Variants in LRP1B observed in about 807,000 individuals in gnomAD.
LRP1B encodes low-density lipoprotein receptor-related protein 1B.
Under a neutral mutation model 556.6 loss-of-function variants are expected in LRP1B, and 217 were observed. The observed-to-expected ratio is 0.39, with a 90% CI of 0.35 to 0.44. The LOEUF is 0.44. Among genes scored for constraint, LRP1B ranks in the 20% least tolerant of loss-of-function variants. LRP1B has a pLI of 1.00. For missense variants in LRP1B, 5,053 were observed against 5,620.8 expected (o/e 0.90, Z 3.23); for synonymous variants, 2,047 against 1,865.8 (o/e 1.10, Z -2.50).
At chr2:141,804,594 C>T (rs1372339412) in intron 2 of LRP1B, among the ~76,000 whole-genome samples, 4 of 151,990 alleles carry the variant, frequency 2.6e-5, no homozygotes, top group African/African-American at 9.7e-5. Flanking sequence ...ACAGAACTGA[C>T]TTTCAGTTAG....
At chr2:141,603,379 C>G (rs1466497761) in intron 2 of LRP1B, among the ~76,000 whole-genome samples, 1 of 152,080 alleles carries the variant, frequency 6.6e-6, no homozygotes, top group Non-Finnish European at 1.5e-5. Context: ...GTTACTAATC[C>G]TTCAGTGAAT....
intron 3 of LRP1B, among the ~76,000 whole-genome samples, chr2:141,417,044 A>G (rs189962380): frequency 2.0e-5 from 3 of 152,284 alleles, no homozygotes; most frequent in Admixed American, 2.0e-4. Context: ...ATATAAGTTC[A>G]CCTATTTTTT....
intron 1 of LRP1B, among the ~76,000 whole-genome samples, chr2:141,904,510 T>G (rs965536756): frequency 2.6e-5 from 4 of 151,890 alleles, no homozygotes; most frequent in Admixed American, 6.6e-5. Flanking sequence ...TTTCTGGAAC[T>G]GTTAGGTTTG....
At chr2:141,283,404 A>G (rs1163007080) in intron 3 of LRP1B, among the ~76,000 whole-genome samples, 1 of 152,074 alleles carries the variant, frequency 6.6e-6, no homozygotes. Flanking sequence ...GATGACAAGA[A>G]CATCGATTTT....
intron 11 of LRP1B, among the ~76,000 whole-genome samples, chr2:141,020,998 A>T (rs1482138256): frequency 6.6e-6 from 1 of 151,992 alleles, no homozygotes; most frequent in Non-Finnish European, 1.5e-5. Context: ...ACAACATTAC[A>T]ACTACGATTC....
intron 3 of LRP1B, among the ~76,000 whole-genome samples, chr2:141,336,857 C>T (rs1483202484): frequency 1.3e-5 from 2 of 152,118 alleles, no homozygotes; most frequent in African/African-American, 2.4e-5. Flanking sequence ...TTCAGGAGCA[C>T]CACGTTATGT....
chr2:141,581,826 C>T (rs1686966159), intron 2 of LRP1B, among the ~76,000 whole-genome samples: 1 of 152,130 alleles, frequency 6.6e-6, no homozygotes, highest in Admixed American at 6.5e-5. Context: ...GGGCAACTGG[C>T]TTTATAACTA....
At chr2:140,936,442 T>C (rs1695214397) in intron 20 of LRP1B, among the ~76,000 whole-genome samples, 1 of 151,748 alleles carries the variant, frequency 6.6e-6, no homozygotes, top group South Asian at 2.1e-4. Context: ...AAAACTGCCC[T>C]TCAAAATTGA....
At chr2:140,740,474 G>A (rs529286491) in intron 35 of LRP1B, among the ~76,000 whole-genome samples, 69 of 152,234 alleles carry the variant, frequency 4.5e-4, no homozygotes, top group Non-Finnish European at 8.8e-4. Context: ...ATGCAAAGGC[G>A]TAAGAATGAT....
chr2:141,015,337 A>G (rs1017319026), intron 13 of LRP1B, among the ~76,000 whole-genome samples: 17 of 152,124 alleles, frequency 1.1e-4, no homozygotes, highest in African/African-American at 3.9e-4. Flanking sequence ...CTCGTAATAC[A>G]TAATGTTAAA....
intron 2 of LRP1B, among the ~76,000 whole-genome samples, chr2:141,489,938 A>C (rs1683268105): frequency 6.6e-6 from 1 of 152,146 alleles, no homozygotes; most frequent in African/African-American, 2.4e-5. Flanking sequence ...TTTATCTGTA[A>C]AATAGGTTCC....
intron 1 of LRP1B, among the ~76,000 whole-genome samples, chr2:141,916,467 C>T (rs1175113055): frequency 6.6e-6 from 1 of 151,900 alleles, no homozygotes. Flanking sequence ...TGGGTTCACG[C>T]CATCCTCCTG....
intron 3 of LRP1B, among the ~76,000 whole-genome samples, chr2:141,277,647 T>A (rs2105380727): frequency 6.6e-6 from 1 of 151,664 alleles, no homozygotes; most frequent in South Asian, 2.1e-4. Flanking sequence ...ATATTTTTTG[T>A]TGTTGTTGTT....
At chr2:142,109,444 C>G (rs770814282) in intron 1 of LRP1B, among the ~76,000 whole-genome samples, 2 of 151,990 alleles carry the variant, frequency 1.3e-5, no homozygotes, top group Non-Finnish European at 2.9e-5. Context: ...TTCTTTTTCT[C>G]CTATTTTTAC....
At chr2:140,738,647 GA>G (rs1387212649) in intron 35 of LRP1B, among the ~76,000 whole-genome samples, 1 of 152,074 alleles carries the variant, frequency 6.6e-6, no homozygotes, top group Non-Finnish European at 1.5e-5. Context: ...AAATTTCTTA[GA>G]ATTACTCTGC....
At chr2:141,478,975 T>A (rs1682815987) in intron 3 of LRP1B, among the ~76,000 whole-genome samples, 1 of 152,190 alleles carries the variant, frequency 6.6e-6, no homozygotes. Context: ...AATCTGCTGA[T>A]TTTTTATGTA....
intron 1 of LRP1B, among the ~76,000 whole-genome samples, chr2:142,022,687 T>C (rs1483137896): frequency 6.6e-6 from 1 of 152,156 alleles, no homozygotes; most frequent in Non-Finnish European, 1.5e-5. Flanking sequence ...TATTTATTTT[T>C]TGAGATGGAG....
intron 66 of LRP1B, among the ~76,000 whole-genome samples, chr2:140,439,967 A>G (rs1158462127): frequency 1.3e-5 from 2 of 152,024 alleles, no homozygotes; most frequent in Non-Finnish European, 2.9e-5. Context: ...CATTTTTTTC[A>G]TAGTGCTTCT....
At chr2:141,838,098 C>T (rs1423043597) in intron 1 of LRP1B, among the ~76,000 whole-genome samples, 1 of 152,080 alleles carries the variant, frequency 6.6e-6, no homozygotes, top group Non-Finnish European at 1.5e-5. Context: ...TCACTAAACA[C>T]ATTTATTGGG....
Sources: gnomAD v4.1 joint callset for allele counts (sites outside exome capture counted in the v4.1 genomes callset) on GRCh38, gnomAD v4.1.1 for gene constraint, MANE v1.5 for transcripts, NCBI Gene and HGNC (gene_info 2026-07-23, HGNC 2026-07-21) for gene names.